Variants in TCHP observed in about 807,000 individuals in gnomAD.
TCHP encodes trichoplein keratin filament binding, also known as trichoplein keratin filament-binding protein.
In TCHP, 81 loss-of-function variants were observed where a neutral mutation model predicts 88.7. The ratio of observed to expected loss-of-function variants is 0.91; its 90% CI spans 0.76 to 1.10. The LOEUF (loss-of-function observed/expected upper bound fraction) is 1.10, where lower values mean the gene tolerates loss of function less well. Ranked by LOEUF, TCHP falls within the 50% of genes least tolerant of loss-of-function variation. TCHP has a pLI of 0.00. For missense variants in TCHP, 641 were observed against 632.1 expected, an observed-to-expected ratio of 1.01 and a Z score of -0.15; for synonymous variants, 232 against 232.5, an observed-to-expected ratio of 1.00 and a Z score of 0.02.
upstream of TCHP, among the ~76,000 whole-genome samples, chr12:109,899,303 T>C (rs763565565): frequency 2.0e-5 from 3 of 152,222 alleles, no homozygotes; most frequent in Non-Finnish European, 4.4e-5. Context: ...AACATACTAA[T>C]AGAATGAACA....
the TCHP span, among the ~76,000 whole-genome samples, chr12:109,886,609 G>C: frequency 6.6e-6 from 1 of 152,178 alleles, no homozygotes; most frequent in East Asian, 1.9e-4. Flanking sequence ...CTCCAAACCA[G>C]CCATTTCTCC....
Position 109,903,971 on chromosome 12 carries a change from G to C in TCHP, c.223G>C (p.Glu75Gln). ...HAYQREKMKE[E>Q]KRRSLEARRE... ...CTATCAGCGGGAGAAGATGAAGGAG[G>C]AGAAGAGGAGGAGTCTGGAGGCCCG... is the stretch of plus-strand genomic sequence containing the variant. Residue 75 changes from glutamate (E) to glutamine (Q), a missense_variant, in exon 3 of 13, where the codon GAG becomes CAG. Glu to Gln is a conservative substitution (Grantham distance 29). Transcript: ENST00000405876. The surrounding 1 kb of genome is among the most constrained non-coding windows in gnomAD (Gnocchi z 4.6). 6.2e-7 allele frequency: 1 copy of C among 1,610,724 alleles called. No homozygotes were observed. The highest frequency in any genetic ancestry group is 8.5e-7 in the Non-Finnish European group (1 of 1,178,870).
At chr12:109,895,771 C>T (rs1318088253), upstream of TCHP, among the ~76,000 whole-genome samples, 2 of 152,102 alleles carry the variant, frequency 1.3e-5, no homozygotes, top group African/African-American at 2.4e-5. Flanking sequence ...TAGTGTCACC[C>T]CCTCTCCCTG....
chr12:109,891,058 C>T, the TCHP span, among the ~76,000 whole-genome samples: 1 of 152,222 alleles, frequency 6.6e-6, no homozygotes, highest in East Asian at 1.9e-4. Flanking sequence ...TTGTTCCTTT[C>T]TTCTCTTATT....
intron 4 of TCHP, 110 bp from the exon 5 acceptor site, chr12:109,906,462 C>T (rs1003115502): frequency 1.8e-5 from 17 of 948,760 alleles, no homozygotes; most frequent in Non-Finnish European, 2.6e-5. Context: ...CCCCATGAAG[C>T]GAAGTCATGG....
Position 109,911,378 on chromosome 12 carries a change from G to A in TCHP, c.1052+143G>A, listed in dbSNP as rs143623080. 3,894 of 509,492 alleles carry A rather than the reference G, an allele frequency of 7.6e-3. 11 individuals carry two copies. The highest frequency in any genetic ancestry group is 9.3e-3 in the Non-Finnish European group (2,702 of 290,964). The allele number at this position is 509,492 out of a possible 1,614,324, so 31.6% of individuals were successfully genotyped here. A position where few individuals can be genotyped will look rare whatever the true frequency, so the allele number is the denominator to read the frequency against. ...TGTAATCCTAGCACTTTGAGAGGCC[G>A]AGGCAGGTGGATCGCTTGAGCCTAG... On this transcript the variant is annotated intron_variant, in intron 9 of 12. Transcript: ENST00000405876.
chr12:109,899,717 G>A (rs1453834190), upstream of TCHP, among the ~76,000 whole-genome samples: 1 of 152,180 alleles, frequency 6.6e-6, no homozygotes, highest in Non-Finnish European at 1.5e-5. Flanking sequence ...GAACACACCT[G>A]GGGAATTTTG....
chr12:109,892,281 A>T, the TCHP span, among the ~76,000 whole-genome samples: 4 of 152,342 alleles, frequency 2.6e-5, no homozygotes, highest in African/African-American at 7.2e-5. Flanking sequence ...GGGAATCAGG[A>T]GGGCTTCTCC....
At chr12:109,916,438 G>A (rs1375781760) in intron 12 of TCHP, among the ~76,000 whole-genome samples, 153 bp from the exon 13 acceptor site, 1 of 152,176 alleles carries the variant, frequency 6.6e-6, no homozygotes, top group African/African-American at 2.4e-5. Context: ...AAGATATCAA[G>A]TGCCTCATTT....
the TCHP span, among the ~76,000 whole-genome samples, chr12:109,882,899 C>T: frequency 6.6e-6 from 1 of 151,680 alleles, no homozygotes. Flanking sequence ...CCTTGTGATC[C>T]GCCCGCCTCA....
At chr12:109,888,333 G>A in the TCHP span, 2 of 152,212 alleles carry the variant, frequency 1.3e-5, no homozygotes, top group African/African-American at 2.4e-5. Context: ...ACCAGGCACA[G>A]AGGAGCCACC....
Position 109,903,837 on chromosome 12 carries a change from A to T in TCHP, c.189-100A>T. 1.1e-6 allele frequency: 1 copy of T among 930,526 alleles called. No homozygotes were observed. The highest frequency in any genetic ancestry group is 1.7e-6 in the Non-Finnish European group (1 of 590,036). 57.6% of individuals were successfully genotyped at this position (930,526 alleles called of 1,614,324 possible). A position where few individuals can be genotyped will look rare whatever the true frequency, so the allele number is the denominator to read the frequency against. On this transcript the variant is annotated intron_variant, in intron 2 of 12. Coordinates refer to ENST00000405876, the MANE Select transcript of TCHP (RefSeq NM_001143852.2). The surrounding 1 kb of genome is among the most constrained non-coding windows in gnomAD (Gnocchi z 4.6). ...GCTGGGGACACATTCCTGTGTCGTC[A>T]TGACACATCTACCTCAGCCTCTTTT...
intron 4 of TCHP, 137 bp downstream of exon 4, chr12:109,904,930 C>A: frequency 1.4e-6 from 1 of 716,778 alleles, no homozygotes; most frequent in Non-Finnish European, 2.3e-6. Context: ...GAGCGCCAGG[C>A]AGAAGATCTG....
At chr12:109,907,951 G>A (rs1375110074) in intron 6 of TCHP, among the ~76,000 whole-genome samples, 1 of 152,172 alleles carries the variant, frequency 6.6e-6, no homozygotes, top group African/African-American at 2.4e-5. Flanking sequence ...GGTGGTTAGC[G>A]GCCTGCTGTT....
intron 1 of TCHP, among the ~76,000 whole-genome samples, chr12:109,901,225 A>G (rs1869771651): frequency 6.6e-6 from 1 of 152,168 alleles, no homozygotes; most frequent in Non-Finnish European, 1.5e-5. Context: ...CAGCTTGTTT[A>G]TCTCCTTTAC....
the TCHP span, among the ~76,000 whole-genome samples, chr12:109,889,274 C>A: frequency 6.6e-6 from 1 of 152,050 alleles, no homozygotes; most frequent in East Asian, 1.9e-4. Context: ...GAGATCGAGA[C>A]CATCCTGGCT....
upstream of TCHP, among the ~76,000 whole-genome samples, chr12:109,899,720 G>T (rs1381849886): frequency 6.6e-6 from 1 of 152,188 alleles, no homozygotes; most frequent in Non-Finnish European, 1.5e-5. Flanking sequence ...CACACCTGGG[G>T]AATTTTGGAA....
chr12:109,890,743 C>T, the TCHP span, among the ~76,000 whole-genome samples: 3 of 152,164 alleles, frequency 2.0e-5, no homozygotes, highest in African/African-American at 7.2e-5. Context: ...CTCCTGACCT[C>T]AGGTGATCCA....
Position 109,905,971 on chromosome 12 carries a change from G to A in TCHP, c.457-601G>A, listed in dbSNP as rs1870102941. Among the ~76,000 whole-genome samples the A allele has an allele frequency of 6.6e-6, 1 of 152,228 alleles. No homozygotes were observed. Among genetic ancestry groups the A allele is most frequent in the Non-Finnish European group, 1.5e-5 (1 of 68,040 alleles). ...CCACCTCAGCCTCCCGAGTAGCTGA[G>A]ACTACAGGTGGGCGCCACCATATCC... On this transcript the variant is annotated intron_variant, in intron 4 of 12. Transcript: ENST00000405876. This position sits in a 1 kb window ranked among gnomAD's most constrained non-coding sequence, Gnocchi z 4.0.
Sources: allele counts gnomAD v4.1 joint callset (sites outside exome capture counted in the v4.1 genomes callset), GRCh38; gene constraint gnomAD v4.1.1; non-coding constraint Gnocchi (gnomAD v3.1); transcripts MANE v1.5; gene names NCBI Gene and HGNC (gene_info 2026-07-23, HGNC 2026-07-21).